GRID2: variants seen among roughly 807,000 people sequenced by gnomAD.
GRID2 encodes glutamate ionotropic receptor delta type subunit 2.
In GRID2, 33 loss-of-function variants were observed where a neutral mutation model predicts 114.8. The observed-to-expected ratio is 0.29, with a 90% CI of 0.22 to 0.38. The LOEUF is 0.38. Ranked by LOEUF, GRID2 falls within the 10% of genes least tolerant of loss-of-function variation. GRID2 has a pLI of 1.00. For missense variants in GRID2, 1,184 were observed against 1,257.7 expected, an observed-to-expected ratio of 0.94 and a Z score of 0.89; for synonymous variants, 505 against 449.9, an observed-to-expected ratio of 1.12 and a Z score of -1.55.
rs188359604 is a variant in GRID2 at position 92,784,880 on chromosome 4, C to A, written c.244+194594C>A. Among the ~76,000 whole-genome samples, 145 of 151,880 alleles carry A rather than the reference C, an allele frequency of 9.5e-4. 1 individual carries two copies. The highest frequency in any genetic ancestry group is 1.6e-3 in the Admixed American group (25 of 15,196). On this transcript the variant is annotated intron_variant, in intron 2 of 15. Coordinates refer to ENST00000282020, the MANE Select transcript of GRID2 (RefSeq NM_001510.4). ...AAAGATTTTGATCCAGTGGTCTGAG[C>A]TGTGTCATCTTTTCTTTAGGTAGTT...
intron 2 of GRID2, 100 bp from the exon 3 acceptor site, chr4:93,084,895 A>G (rs1485671511): frequency 7.7e-6 from 6 of 779,632 alleles, no homozygotes; most frequent in Middle Eastern, 2.4e-4. Context: ...TTTCATAGCT[A>G]TATAAAAAAT....
At chr4:92,863,560 T>C (rs542473263) in intron 2 of GRID2, among the ~76,000 whole-genome samples, 5 of 152,270 alleles carry the variant, frequency 3.3e-5, no homozygotes, top group Admixed American at 3.3e-4. Context: ...TCATTCCAAA[T>C]TCCACATCAG....
At chr4:93,657,604 C>T (rs965511368) in intron 14 of GRID2, among the ~76,000 whole-genome samples, 1 of 152,066 alleles carries the variant, frequency 6.6e-6, no homozygotes, top group African/African-American at 2.4e-5. Flanking sequence ...TGATTCATAC[C>T]TGTGCACCAA....
chr4:93,229,398 T>G (rs766826047), intron 7 of GRID2, among the ~76,000 whole-genome samples: 2 of 152,140 alleles, frequency 1.3e-5, no homozygotes, highest in Non-Finnish European at 2.9e-5. Flanking sequence ...TTCCCACTCA[T>G]GCGGGCTGGA....
chr4:92,315,516 C>T (rs915446001), intron 1 of GRID2, among the ~76,000 whole-genome samples: 2 of 152,074 alleles, frequency 1.3e-5, no homozygotes, highest in Non-Finnish European at 1.5e-5. Flanking sequence ...GGAAATGCTG[C>T]GTGGACTTAA....
Position 93,726,682 on chromosome 4 carries a change from C to T in GRID2, c.2361-42528C>T, listed in dbSNP as rs918051565. Among the ~76,000 whole-genome samples, 6 of 152,106 alleles carry T rather than the reference C, an allele frequency of 3.9e-5. No homozygotes were observed. The East Asian group carries it at 7.7e-4, about 20-fold the overall frequency. On this transcript the variant is annotated intron_variant, in intron 14 of 15. Transcript: ENST00000282020. ...TCATTGAGCAGTGGTTTGTAGTTCT[C>T]CTTGAAGAGGTCCTTCACATCTCTT...
chr4:93,675,429 A>G (rs1052059405), intron 14 of GRID2, among the ~76,000 whole-genome samples: 5 of 152,226 alleles, frequency 3.3e-5, no homozygotes, highest in Admixed American at 6.5e-5. Flanking sequence ...AAGAAAAGGT[A>G]TCTGGTTCTT....
At chr4:92,605,979 T>C (rs1729432744) in intron 2 of GRID2, among the ~76,000 whole-genome samples, 1 of 144,184 alleles carries the variant, frequency 6.9e-6, no homozygotes, top group South Asian at 2.3e-4. Flanking sequence ...TAATTCTGAT[T>C]TTGAATTTAA....
At chr4:93,628,347 T>C (rs556806828) in intron 14 of GRID2, among the ~76,000 whole-genome samples, 2 of 152,218 alleles carry the variant, frequency 1.3e-5, no homozygotes, top group African/African-American at 4.8e-5. Context: ...TTGATATATA[T>C]GTATATAATA....
intron 2 of GRID2, among the ~76,000 whole-genome samples, chr4:93,014,365 A>G (rs995703231): frequency 3.9e-5 from 6 of 152,136 alleles, no homozygotes; most frequent in Admixed American, 2.6e-4. Flanking sequence ...CATTCTTAGC[A>G]GAGGGAAATG....
chr4:93,042,095 G>T (rs1479920443), intron 2 of GRID2, among the ~76,000 whole-genome samples: 2 of 151,892 alleles, frequency 1.3e-5, no homozygotes, highest in East Asian at 1.9e-4. Flanking sequence ...AGTAGAGACG[G>T]GGTTTCACCG....
At chr4:93,657,739 T>C (rs569639921) in intron 14 of GRID2, among the ~76,000 whole-genome samples, 1 of 152,344 alleles carries the variant, frequency 6.6e-6, no homozygotes, top group East Asian at 1.9e-4. Flanking sequence ...TCGTTTGTTT[T>C]CTGTGGCTGA....
intron 2 of GRID2, among the ~76,000 whole-genome samples, chr4:93,002,642 G>A (rs555968017): frequency 5.7e-4 from 86 of 151,462 alleles, no homozygotes; most frequent in African/African-American, 2.0e-3. Flanking sequence ...TTTCCCCCCG[G>A]TACTTGAAAG....
chr4:93,238,054 A>G (rs1328322566), intron 7 of GRID2, among the ~76,000 whole-genome samples: 2 of 151,794 alleles, frequency 1.3e-5, no homozygotes, highest in African/African-American at 4.8e-5. Context: ...GTCACAAGGT[A>G]TGGTGGCAAA....
At chr4:92,749,307 T>C (rs1271052395) in intron 2 of GRID2, among the ~76,000 whole-genome samples, 4 of 136,320 alleles carry the variant, frequency 2.9e-5, no homozygotes, top group Non-Finnish European at 6.2e-5. Context: ...CCTTGATTTG[T>C]AGCTTTTTTT....
intron 2 of GRID2, among the ~76,000 whole-genome samples, chr4:92,684,032 A>G (rs1733781162): frequency 6.6e-6 from 1 of 152,016 alleles, no homozygotes; most frequent in South Asian, 2.1e-4. Context: ...GTATAATGCA[A>G]TCAATGGATA....
intron 14 of GRID2, among the ~76,000 whole-genome samples, chr4:93,677,058 T>G (rs1347614592): frequency 1.3e-5 from 2 of 151,778 alleles, no homozygotes; most frequent in African/African-American, 4.8e-5. Context: ...AGCTGGAAAA[T>G]CGGGTCACTC....
At chr4:92,824,055 G>A (rs1741488209) in intron 2 of GRID2, among the ~76,000 whole-genome samples, 1 of 152,126 alleles carries the variant, frequency 6.6e-6, no homozygotes, top group Non-Finnish European at 1.5e-5. Context: ...TGGTAGTTCA[G>A]GGGAGATAGG....
intron 2 of GRID2, among the ~76,000 whole-genome samples, chr4:92,873,822 C>A (rs373372439): frequency 1.3e-5 from 2 of 152,246 alleles, no homozygotes; most frequent in East Asian, 1.9e-4. Flanking sequence ...TCAAGCAATT[C>A]TCCTGCCTCA....
Sources: allele counts gnomAD v4.1 joint callset (sites outside exome capture counted in the v4.1 genomes callset), GRCh38; gene constraint gnomAD v4.1.1; transcripts MANE v1.5; gene names NCBI Gene and HGNC (gene_info 2026-07-23, HGNC 2026-07-21).